The following AHCYL2 variants were observed in gnomAD, a reference collection of about 807,000 sequenced individuals.
The protein encoded by AHCYL2 is S-adenosylhomocysteine hydrolase-like protein 2.
Under a neutral mutation model 81.4 loss-of-function variants are expected in AHCYL2, and 28 were observed. The observed-to-expected ratio is 0.34, with a 90% CI of 0.25 to 0.47. The LOEUF is 0.47. Among genes scored for constraint, AHCYL2 ranks in the 20% least tolerant of loss-of-function variants. AHCYL2 has a pLI of 1.00. For synonymous variants in AHCYL2, 272 were observed against 290.2 expected (o/e 0.94, Z 0.64); for missense variants, 551 against 785.1 (o/e 0.70, Z 3.56).
intron 1 of AHCYL2, among the ~76,000 whole-genome samples, chr7:129,226,588 T>C (rs1794229598): frequency 6.6e-6 from 1 of 152,212 alleles, no homozygotes; most frequent in African/African-American, 2.4e-5. Flanking sequence ...ACCAGCTGAA[T>C]TGGAACCTTG....
chr7:129,424,264 G>A (rs1056809839), intron 13 of AHCYL2, among the ~76,000 whole-genome samples: 3 of 151,958 alleles, frequency 2.0e-5, no homozygotes, highest in African/African-American at 7.3e-5. Flanking sequence ...GCCGGGCATG[G>A]TGGCGCACAC....
intron 1 of AHCYL2, among the ~76,000 whole-genome samples, chr7:129,292,939 A>G (rs1488701581): frequency 6.6e-6 from 1 of 152,198 alleles, no homozygotes; most frequent in Non-Finnish European, 1.5e-5. Context: ...TGATAGTAAG[A>G]GGAGTAAAGA....
chr7:129,384,529 A>G (rs1458582130), intron 2 of AHCYL2, among the ~76,000 whole-genome samples: 4 of 152,036 alleles, frequency 2.6e-5, no homozygotes, highest in African/African-American at 9.6e-5. Context: ...TCCCTAATAT[A>G]CTCAGTGTGT....
rs540268893 is a variant in AHCYL2, at chr7:129,328,561, C to T, written c.364-51077C>T. 4.6e-5 allele frequency among the ~76,000 whole-genome samples: 7 copies of T among 151,134 alleles called. No individual in the cohort carries two copies. In the South Asian group the frequency reaches 6.3e-4, roughly 14 times the overall value. ...GTGCAGTGGCACAATCTCAGCTCAC[C>T]GCAACCTCCACCTCCCAGGCTCAAG... is the stretch of plus-strand genomic sequence containing the variant. On this transcript the variant is annotated intron_variant, in intron 1 of 16. Coordinates refer to ENST00000325006, the MANE Select transcript of AHCYL2 (RefSeq NM_015328.4).
chr7:129,274,610 T>C (rs913949041), intron 1 of AHCYL2, among the ~76,000 whole-genome samples: 4 of 152,138 alleles, frequency 2.6e-5, no homozygotes, highest in African/African-American at 9.7e-5. Flanking sequence ...ACTGTAACTT[T>C]CTGGGACTTC....
chr7:129,390,861 T>A (rs1795437238), intron 4 of AHCYL2, among the ~76,000 whole-genome samples: 1 of 152,196 alleles, frequency 6.6e-6, no homozygotes, highest in Non-Finnish European at 1.5e-5. Context: ...GATTCCTACC[T>A]TACTCTCATC....
At chr7:129,402,250 A>G (rs935328595) in intron 6 of AHCYL2, among the ~76,000 whole-genome samples, 1 of 152,184 alleles carries the variant, frequency 6.6e-6, no homozygotes, top group Admixed American at 6.5e-5. Flanking sequence ...GAGCAAGTAC[A>G]AGAGCTTTGA....
At chr7:129,249,555 A>G (rs1338552852) in intron 1 of AHCYL2, among the ~76,000 whole-genome samples, 1 of 151,906 alleles carries the variant, frequency 6.6e-6, no homozygotes, top group Non-Finnish European at 1.5e-5. Context: ...CCTCCCGAGT[A>G]GCTGGGACTA....
intron 1 of AHCYL2, among the ~76,000 whole-genome samples, chr7:129,318,020 AGTT>A (rs1330440156): frequency 6.6e-6 from 1 of 152,212 alleles, no homozygotes; most frequent in Non-Finnish European, 1.5e-5. Context: ...AAATATATTT[AGTT>A]GTTTTATTTT....
intron 4 of AHCYL2, among the ~76,000 whole-genome samples, chr7:129,396,870 C>T (rs1000187305): frequency 2.6e-5 from 4 of 152,206 alleles, no homozygotes; most frequent in Admixed American, 6.5e-5. Flanking sequence ...TTTTTCCTGT[C>T]GTTAAGGTGG....
At chr7:129,307,103 G>A (rs1302782896) in intron 1 of AHCYL2, among the ~76,000 whole-genome samples, 1 of 152,132 alleles carries the variant, frequency 6.6e-6, no homozygotes, top group African/African-American at 2.4e-5. Context: ...CCACTACCTG[G>A]CTGCTGCGTA....
rs558328044 is a variant in AHCYL2, at chr7:129,271,027, A to G, written c.363+45588A>G. On this transcript the variant is annotated intron_variant, in intron 1 of 16. Transcript: ENST00000325006. Reference sequence around the variant, plus strand: ...AAACTTCTCTATAGGGATATCCTCAATCTAGGCCACACCAAATCTCACAGC... The same window carrying G: ...AAACTTCTCTATAGGGATATCCTCAGTCTAGGCCACACCAAATCTCACAGC... Among the ~76,000 whole-genome samples, 10 of 152,252 alleles carry G rather than the reference A, an allele frequency of 6.6e-5. No individual in the cohort carries two copies. The East Asian group carries it at 1.5e-3, about 24-fold the overall frequency.
chr7:129,422,109 T>C (rs531029094), intron 12 of AHCYL2, among the ~76,000 whole-genome samples: 3 of 152,388 alleles, frequency 2.0e-5, no homozygotes, highest in Admixed American at 6.5e-5. Flanking sequence ...ATTTGATTGC[T>C]GCTGTTAAAA....
chr7:129,310,156 T>A (rs1797601877), intron 1 of AHCYL2, among the ~76,000 whole-genome samples: 1 of 152,128 alleles, frequency 6.6e-6, no homozygotes, highest in Non-Finnish European at 1.5e-5. Context: ...ATCCTTGATC[T>A]TCAGTCTTTC....
intron 1 of AHCYL2, among the ~76,000 whole-genome samples, chr7:129,331,702 C>T (rs925418151): frequency 1.9e-4 from 28 of 149,302 alleles, no homozygotes; most frequent in Admixed American, 1.4e-3. Context: ...ATTAGCCAGG[C>T]GAGGTAGCAC....
Position 129,422,619 on chromosome 7 carries a change from A to G in AHCYL2, c.1462-221A>G, listed in dbSNP as rs1015227800. Among the ~76,000 whole-genome samples, 8 of 152,166 alleles carry G rather than the reference A, an allele frequency of 5.3e-5. 1 individual carries two copies. The highest frequency in any genetic ancestry group is 3.3e-4 in the Admixed American group (5 of 15,278). Reference sequence around the variant, plus strand: ...TTTACTGTGAGAGTGGGCACACAGTATATGTTGTGGAATGACATCCTGAGT... The same window carrying G: ...TTTACTGTGAGAGTGGGCACACAGTGTATGTTGTGGAATGACATCCTGAGT... On this transcript the variant is annotated intron_variant, in intron 12 of 16. Coordinates refer to ENST00000325006, the MANE Select transcript of AHCYL2 (RefSeq NM_015328.4).
chr7:129,396,721 G>T (rs190999540), intron 4 of AHCYL2, among the ~76,000 whole-genome samples: 1 of 151,994 alleles, frequency 6.6e-6, no homozygotes, highest in East Asian at 1.9e-4. Flanking sequence ...GTTCCTGGCC[G>T]TGTGTTTGGT....
At chr7:129,326,439 A>G (rs769530400) in intron 1 of AHCYL2, among the ~76,000 whole-genome samples, 6 of 152,064 alleles carry the variant, frequency 3.9e-5, no homozygotes, top group Non-Finnish European at 7.4e-5. Flanking sequence ...AGGCAGAAGA[A>G]TCGCTTGAAC....
chr7:129,417,248 A>G (rs1288961018), intron 12 of AHCYL2, among the ~76,000 whole-genome samples: 2 of 152,228 alleles, frequency 1.3e-5, no homozygotes, highest in Admixed American at 6.5e-5. Flanking sequence ...GCCCTCAGGC[A>G]GGAGTGTGCT....
Sources: gnomAD v4.1 joint callset for allele counts (sites outside exome capture counted in the v4.1 genomes callset) on GRCh38, gnomAD v4.1.1 for gene constraint, MANE v1.5 for transcripts, NCBI Gene and HGNC (gene_info 2026-07-23, HGNC 2026-07-21) for gene names.